Variants in RAP1GDS1 observed in about 807,000 individuals in gnomAD.
The protein encoded by RAP1GDS1 is RAP1, GTP-GDP dissociation stimulator 1.
In RAP1GDS1, 35 loss-of-function variants were observed where a neutral mutation model predicts 71.1. The observed-to-expected ratio is 0.49, with a 90% CI of 0.38 to 0.65. RAP1GDS1 has a LOEUF of 0.65. Among genes scored for constraint, RAP1GDS1 ranks in the 30% least tolerant of loss-of-function variants. The pLI, the probability that RAP1GDS1 is intolerant of heterozygous loss-of-function variation, is 0.00. For missense variants in RAP1GDS1, 663 were observed against 706.1 expected, an observed-to-expected ratio of 0.94 and a Z score of 0.69; for synonymous variants, 229 against 243.1, an observed-to-expected ratio of 0.94 and a Z score of 0.54.
chr4:98,334,021 A>T (rs527924505), intron 2 of RAP1GDS1, among the ~76,000 whole-genome samples: 9 of 152,164 alleles, frequency 5.9e-5, no homozygotes, highest in Non-Finnish European at 1.0e-4. Flanking sequence ...ATAATTTTGA[A>T]TACATTTTTA....
chr4:98,335,149 T>C (rs570578168), intron 2 of RAP1GDS1, among the ~76,000 whole-genome samples: 33 of 152,146 alleles, frequency 2.2e-4, no homozygotes, highest in South Asian at 4.1e-4. Flanking sequence ...TCCATTCCTT[T>C]TCTTATTAAT....
At chr4:98,401,260 A>G (rs998728703) in intron 6 of RAP1GDS1, among the ~76,000 whole-genome samples, 8 of 152,230 alleles carry the variant, frequency 5.3e-5, no homozygotes, top group Non-Finnish European at 1.0e-4. Flanking sequence ...TTGGAGTTGC[A>G]TTAATAACAA....
intron 5 of RAP1GDS1, among the ~76,000 whole-genome samples, chr4:98,389,664 C>T (rs970405666): frequency 6.6e-6 from 1 of 152,132 alleles, no homozygotes; most frequent in African/African-American, 2.4e-5. Flanking sequence ...GCCATAATTT[C>T]AAATATTACT....
intron 5 of RAP1GDS1, among the ~76,000 whole-genome samples, chr4:98,385,635 T>C (rs1742633648): frequency 6.6e-6 from 1 of 151,918 alleles, no homozygotes; most frequent in Admixed American, 6.6e-5. Context: ...ACTGCCTATA[T>C]TGTTTTATTT....
chr4:98,440,989 G>A (rs1035554682), intron 14 of RAP1GDS1, among the ~76,000 whole-genome samples: 4 of 152,196 alleles, frequency 2.6e-5, no homozygotes, highest in African/African-American at 9.7e-5. Context: ...CACCACGCCT[G>A]GCCCAAGTTG....
intron 1 of RAP1GDS1, among the ~76,000 whole-genome samples, chr4:98,289,554 C>CA (rs6148589): frequency 0.021 from 2,091 of 101,922 alleles, 43 homozygotes; most frequent in African/African-American, 0.046. Context: ...CTCTGGTAAA[C>CA]AAAAAAAAAA....
intron 4 of RAP1GDS1, among the ~76,000 whole-genome samples, chr4:98,354,472 T>TAATAAAATAG (rs1169113780): frequency 6.6e-6 from 1 of 152,226 alleles, no homozygotes; most frequent in Admixed American, 6.5e-5. Flanking sequence ...TTTTTCCTAT[T>TAATAAAATAG]AATAAAATAG....
chr4:98,418,824 A>G lies in RAP1GDS1; in HGVS notation c.1174+33A>G, dbSNP rs754414154. On this transcript the variant is annotated intron_variant, in intron 10 of 14. Transcript: ENST00000408927. ...TTAAGAATAGAAGGCAGCTGTGTAC[A>G]AAATAAAATCCATCATTTGGGGAAG... 9.2e-6 allele frequency: 14 copies of G among 1,515,434 alleles called. No individual in the cohort carries two copies. In the East Asian group the frequency reaches 2.9e-4, roughly 31 times the overall value. The allele number at this position is 1,515,434 out of a possible 1,614,324, so 93.9% of individuals were successfully genotyped here.
Position 98,442,054 on chromosome 4 carries a change from T to C in RAP1GDS1, c.1761T>C (p.His587=). Reference sequence around the variant, plus strand: ...ATGTCGTATCCAAACTTCGCAGTCATGAGAACAAAAGTGTTGCCCAGCAGG... The same window carrying C: ...ATGTCGTATCCAAACTTCGCAGTCACGAGAACAAAAGTGTTGCCCAGCAGG... ...FLDVVSKLRS[H]ENKSVAQQAS... The change falls in exon 15 of 15, where the codon CAT becomes CAC. Residue 587 remains histidine, a synonymous_variant. Coordinates refer to ENST00000408927, the MANE Select transcript of RAP1GDS1 (RefSeq NM_001100427.2). The C allele has an allele frequency of 6.2e-7, 1 of 1,614,052 alleles. No individual in the cohort carries two copies.
At chr4:98,303,277 A>C (rs1728834535) in intron 2 of RAP1GDS1, among the ~76,000 whole-genome samples, 1 of 152,186 alleles carries the variant, frequency 6.6e-6, no homozygotes, top group Non-Finnish European at 1.5e-5. Context: ...TTAAACTTGC[A>C]CTGTTTAATA....
intron 7 of RAP1GDS1, among the ~76,000 whole-genome samples, chr4:98,405,592 TA>T (rs1446867916): frequency 9.9e-5 from 15 of 151,894 alleles, no homozygotes; most frequent in African/African-American, 3.6e-4. Context: ...TATCAGAAAT[TA>T]TGAAAAATGC....
chr4:98,305,801 A>G (rs1729234389), intron 2 of RAP1GDS1, among the ~76,000 whole-genome samples: 1 of 152,220 alleles, frequency 6.6e-6, no homozygotes, highest in Non-Finnish European at 1.5e-5. Context: ...TGGGTTTGCT[A>G]ACATTAGCTA....
At chr4:98,408,291 T>C (rs1223749957) in intron 7 of RAP1GDS1, among the ~76,000 whole-genome samples, 1 of 151,972 alleles carries the variant, frequency 6.6e-6, no homozygotes, top group African/African-American at 2.4e-5. Context: ...CACGCCTGGC[T>C]AATTTTTTTA....
intron 4 of RAP1GDS1, among the ~76,000 whole-genome samples, chr4:98,368,402 T>C (rs889371753): frequency 6.6e-6 from 1 of 152,158 alleles, no homozygotes; most frequent in East Asian, 1.9e-4. Context: ...AGATCCATAT[T>C]ATGCACTGCT....
intron 1 of RAP1GDS1, among the ~76,000 whole-genome samples, chr4:98,273,217 C>T (rs919376195): frequency 5.9e-5 from 9 of 152,086 alleles, no homozygotes; most frequent in Non-Finnish European, 8.8e-5. Flanking sequence ...CGCTGCTTTA[C>T]GACCCATTTT....
intron 4 of RAP1GDS1, among the ~76,000 whole-genome samples, chr4:98,359,590 C>A (rs1374230319): frequency 6.6e-6 from 1 of 151,982 alleles, no homozygotes; most frequent in Non-Finnish European, 1.5e-5. Context: ...CATGAAGATA[C>A]GATTTTTTAA....
intron 1 of RAP1GDS1, among the ~76,000 whole-genome samples, chr4:98,273,575 C>T (rs1358610120): frequency 6.6e-6 from 1 of 151,994 alleles, no homozygotes; most frequent in African/African-American, 2.4e-5. Context: ...AAGTTATCCT[C>T]TTATCAGAAT....
At chr4:98,383,821 G>A (rs1742347715) in intron 5 of RAP1GDS1, among the ~76,000 whole-genome samples, 1 of 151,442 alleles carries the variant, frequency 6.6e-6, no homozygotes, top group African/African-American at 2.4e-5. Context: ...AAAGCATGTT[G>A]GCCTGAGCTG....
intron 2 of RAP1GDS1, among the ~76,000 whole-genome samples, chr4:98,328,146 A>G (rs1482465066): frequency 6.6e-6 from 1 of 152,168 alleles, no homozygotes; most frequent in African/African-American, 2.4e-5. Flanking sequence ...TGGGGTCTCA[A>G]CTTTCCCATA....
Sources: gnomAD v4.1 joint callset for allele counts (sites outside exome capture counted in the v4.1 genomes callset) on GRCh38, gnomAD v4.1.1 for gene constraint, MANE v1.5 for transcripts, NCBI Gene and HGNC (gene_info 2026-07-23, HGNC 2026-07-21) for gene names.